VAPB: variants seen among roughly 807,000 people sequenced by gnomAD.
VAPB encodes VAMP associated protein B and C.
Under a neutral mutation model 25.6 loss-of-function variants are expected in VAPB, and 7 were observed. That is an observed-to-expected ratio of 0.27 (90% CI 0.16 to 0.51). VAPB has a LOEUF of 0.51. Ranked by LOEUF, VAPB falls within the 20% of genes least tolerant of loss-of-function variation. VAPB has a pLI of 0.97. For synonymous variants in VAPB, 112 were observed against 109.2 expected (o/e 1.03, Z -0.16); for missense variants, 266 against 301.3 (o/e 0.88, Z 0.87).
rs1487229100 is a variant in VAPB, at chr20:58,446,550, G to T, written c.*2315G>T. 1 of 453,894 alleles carries T rather than the reference G, an allele frequency of 2.2e-6. No individual in the cohort carries two copies. The highest frequency in any genetic ancestry group is 2.4e-5 in the Admixed American group (1 of 42,530). The allele number at this position is 453,894 out of a possible 1,614,324, so 28.1% of individuals were successfully genotyped here. A position where few individuals can be genotyped will look rare whatever the true frequency, so the allele number is the denominator to read the frequency against. On this transcript the variant is annotated 3_prime_UTR_variant, in exon 6 of 6. Transcript: ENST00000475243. ...AACAGTTCTTAAAAAGAATATCTGAGAAACTACTCTGTTTTAGACCTTTGA... is the reference window on the plus strand; with the variant it reads ...AACAGTTCTTAAAAAGAATATCTGATAAACTACTCTGTTTTAGACCTTTGA...
intron 1 of VAPB, among the ~76,000 whole-genome samples, chr20:58,390,663 A>G (rs1987773297): frequency 1.3e-5 from 2 of 152,140 alleles, no homozygotes; most frequent in African/African-American, 4.8e-5. Flanking sequence ...GGTCTCCACT[A>G]TATCGCTAGC....
chr20:58,441,159 G>A, intron 5 of VAPB, 76 bp downstream of exon 5: 2 of 1,486,980 alleles, frequency 1.3e-6, no homozygotes, highest in East Asian at 2.4e-5. Flanking sequence ...AAGTTGATGA[G>A]CCAGTGAATA....
At chr20:58,418,431 G>C in intron 2 of VAPB, 68 bp downstream of exon 2, 1 of 1,579,984 alleles carries the variant, frequency 6.3e-7, no homozygotes, top group Non-Finnish European at 8.6e-7. Context: ...TTTTCTTAAA[G>C]TTTGTATTTG....
chr20:58,417,564 G>A (rs890803764), intron 1 of VAPB, among the ~76,000 whole-genome samples: 28 of 152,180 alleles, frequency 1.8e-4, no homozygotes, highest in African/African-American at 6.5e-4. Flanking sequence ...TGAGTAATTA[G>A]TACCGTCTGT....
chr20:58,422,969 T>C (rs1411621133), intron 2 of VAPB, among the ~76,000 whole-genome samples: 2 of 152,108 alleles, frequency 1.3e-5, no homozygotes, highest in Non-Finnish European at 2.9e-5. Context: ...GAATTGAAAA[T>C]GGATTAAAGA....
At chr20:58,439,178 G>C (rs1274465100) in intron 4 of VAPB, 153 bp downstream of exon 4, 1 of 698,600 alleles carries the variant, frequency 1.4e-6, no homozygotes, top group Non-Finnish European at 2.4e-6. Flanking sequence ...CAAATAAGTG[G>C]GCCTTTATGA....
rs1185053432 is a variant in VAPB at position 58,450,312 on chromosome 20, T to A, written c.*6077T>A. On this transcript the variant is annotated 3_prime_UTR_variant, in exon 6 of 6. Coordinates refer to ENST00000475243, the MANE Select transcript of VAPB (RefSeq NM_004738.5). ...TGTGTACAAGAACTACTTTTTGCTT[T>A]TCATCATTCACTCCTTAGCAAACGT... is the stretch of plus-strand genomic sequence containing the variant. 2.2e-6 allele frequency: 1 copy of A among 454,036 alleles called. No individual in the cohort carries two copies. Among genetic ancestry groups the A allele is most frequent in the Non-Finnish European group, 4.4e-6 (1 of 226,738 alleles). 28.1% of individuals were successfully genotyped at this position (454,036 alleles called of 1,614,324 possible). A position where few individuals can be genotyped will look rare whatever the true frequency, so the allele number is the denominator to read the frequency against.
Position 58,444,435 on chromosome 20 carries a change from A to T in VAPB, c.*200A>T, listed in dbSNP as rs199923819. 5.9e-6 allele frequency: 4 copies of T among 678,322 alleles called. No homozygotes were observed. The Admixed American group carries it at 6.6e-5, about 11-fold the overall frequency. The allele number at this position is 678,322 out of a possible 1,614,324, so 42.0% of individuals were successfully genotyped here. A position where few individuals can be genotyped will look rare whatever the true frequency, so the allele number is the denominator to read the frequency against. On this transcript the variant is annotated 3_prime_UTR_variant, in exon 6 of 6. Coordinates refer to ENST00000475243, the MANE Select transcript of VAPB (RefSeq NM_004738.5). ...GTAACGATCTTTTAGAAAGTTAAAA[A>T]TGTATAGTAACTGATTGAGGGGGAA...
intron 1 of VAPB, among the ~76,000 whole-genome samples, chr20:58,393,459 C>A (rs900037427): frequency 1.3e-5 from 2 of 152,056 alleles, no homozygotes; most frequent in African/African-American, 4.8e-5. Context: ...CATCTCCTCA[C>A]TCTGAGATCC....
rs555406860 is a variant in VAPB, at chr20:58,410,063, A to T, written c.59-8148A>T. On this transcript the variant is annotated intron_variant, in intron 1 of 5. Coordinates refer to ENST00000475243, the MANE Select transcript of VAPB (RefSeq NM_004738.5). ...CCCTTCCTTTTTTTAAAAAAAATAT[A>T]GTTTAGAACAGTTTTAGGTTCACAC... is the stretch of plus-strand genomic sequence containing the variant. Among the ~76,000 whole-genome samples the T allele has an allele frequency of 2.8e-4, 42 of 152,254 alleles. No individual in the cohort carries two copies. The South Asian group carries it at 8.7e-3, about 32-fold the overall frequency.
chr20:58,439,997 G>A (rs867240156), intron 4 of VAPB: 1 of 152,228 alleles, frequency 6.6e-6, no homozygotes, highest in Non-Finnish European at 1.5e-5. Flanking sequence ...GTCTGCGCGA[G>A]TGCTGTTGAT....
intron 4 of VAPB, chr20:58,439,302 G>T: frequency 2.2e-6 from 1 of 452,818 alleles, no homozygotes; most frequent in Non-Finnish European, 4.0e-6. Flanking sequence ...TCTGTGGCCT[G>T]GCAAAGGTAT....
At chr20:58,413,650 G>C (rs1048057255) in intron 1 of VAPB, among the ~76,000 whole-genome samples, 1 of 151,770 alleles carries the variant, frequency 6.6e-6, no homozygotes, top group Non-Finnish European at 1.5e-5. Flanking sequence ...CGTTCTCAAT[G>C]AGCTGTTGGG....
rs200276908 is a variant in VAPB, at chr20:58,434,619, G to A, written c.229G>A (p.Asp77Asn). Residue 77 changes from aspartate (D) to asparagine (N), a missense_variant, in exon 3 of 6, where the codon GAT becomes AAT. Physicochemically the swap from Asp to Asn is conservative, Grantham distance 23 (BLOSUM62 1). Around this residue, in one of 3 missense-constraint regions of VAPB, gnomAD observed 98 missense variants for 147.1 expected, o/e 0.67. Transcript: ENST00000475243. ...INVSVMLQPF[D>N]YDPNEKSKHK... ...TTTCTCAGTGATGTTACAGCCTTTC[G>A]ATTATGATCCCAATGAGAAAAGTAA... The A allele has an allele frequency of 2.0e-5, 31 of 1,578,538 alleles. No individual in the cohort carries two copies. Among genetic ancestry groups the A allele is most frequent in the Non-Finnish European group, 2.4e-5 (27 of 1,148,248 alleles).
rs566273994 is a variant in VAPB at position 58,444,692 on chromosome 20, G to T, written c.*457G>T. ...CCCACGTGGCCCACTCCCGGCCCAG[G>T]CTGCTTTCCGTGTCTTCAGTTCTGT... On this transcript the variant is annotated 3_prime_UTR_variant, in exon 6 of 6. Coordinates refer to ENST00000475243, the MANE Select transcript of VAPB (RefSeq NM_004738.5). 1.6e-4 allele frequency: 73 copies of T among 454,452 alleles called. No homozygotes were observed. The highest frequency in any genetic ancestry group is 1.3e-3 in the African/African-American group (66 of 50,138). 28.2% of individuals were successfully genotyped at this position (454,452 alleles called of 1,614,324 possible). A position where few individuals can be genotyped will look rare whatever the true frequency, so the allele number is the denominator to read the frequency against.
chr20:58,436,327 C>CTTTTTTTTTTTTTTTTTTTTTTTTTTT (rs57100987), intron 3 of VAPB, among the ~76,000 whole-genome samples: 1 of 114,964 alleles, frequency 8.7e-6, no homozygotes. Context: ...GTTTTTCTTC[C>CTTTTTTTTTTTTTTTTTTTTTTTTTTT]TTTTTTTTTT....
At position 58,428,994 on chromosome 20, in the gene VAPB, C is replaced by T. The variant is rs531002999; in HGVS notation, c.212-5608C>T. On this transcript the variant is annotated intron_variant, in intron 2 of 5. Coordinates refer to ENST00000475243, the MANE Select transcript of VAPB (RefSeq NM_004738.5). Reference sequence around the variant, plus strand: ...AAGGAGAGCTGGTGATGAAAAACACCCCCATTTGCTGTTCCAGGCTGGTAG... The same window carrying T: ...AAGGAGAGCTGGTGATGAAAAACACTCCCATTTGCTGTTCCAGGCTGGTAG... Among the ~76,000 whole-genome samples, 7 of 152,298 alleles carry T rather than the reference C, an allele frequency of 4.6e-5. No individual in the cohort carries two copies. In the South Asian group the frequency reaches 1.4e-3, roughly 32 times the overall value.
chr20:58,415,491 A>G (rs1988517200), intron 1 of VAPB, among the ~76,000 whole-genome samples: 1 of 152,182 alleles, frequency 6.6e-6, no homozygotes, highest in African/African-American at 2.4e-5. Context: ...CACATTTTAG[A>G]TGCTTAGTTC....
chr20:58,441,027 T>G lies in VAPB; in HGVS notation c.517T>G (p.Cys173Gly). The change falls in exon 5 of 6, where the codon TGT (cysteine) becomes GGT (glycine). Residue 173 changes from cysteine (C) to glycine (G), a missense_variant. Cys to Gly is a radical substitution (Grantham distance 159). This residue lies in a region of VAPB where 136 missense variants were observed against 130.7 expected (regional missense o/e 1.04). Coordinates refer to ENST00000475243, the MANE Select transcript of VAPB (RefSeq NM_004738.5). ...CGAAGTTAAGAAGGTTATGGAAGAATGTAAGAGGCTGCAAGGTGAAGTTCA... is the reference window on the plus strand; with the variant it reads ...CGAAGTTAAGAAGGTTATGGAAGAAGGTAAGAGGCTGCAAGGTGAAGTTCA... ...DTEVKKVMEE[C>G]KRLQGEVQRL... The G allele has an allele frequency of 1.2e-6, 2 of 1,614,074 alleles. No individual in the cohort carries two copies. Among genetic ancestry groups the G allele is most frequent in the Non-Finnish European group, 1.7e-6 (2 of 1,180,002 alleles).
Sources: allele counts gnomAD v4.1 joint callset (sites outside exome capture counted in the v4.1 genomes callset), GRCh38; gene constraint gnomAD v4.1.1; regional missense constraint gnomAD v4.1.1; transcripts MANE v1.5; gene names NCBI Gene and HGNC (gene_info 2026-07-23, HGNC 2026-07-21).